LRRFIP2: variants seen among roughly 807,000 people sequenced by gnomAD.
The protein encoded by LRRFIP2 is leucine-rich repeat flightless-interacting protein 2.
Under a neutral mutation model 125.9 loss-of-function variants are expected in LRRFIP2, and 109 were observed. The ratio of observed to expected loss-of-function variants is 0.87; its 90% CI spans 0.74 to 1.01. The LOEUF (loss-of-function observed/expected upper bound fraction) is 1.01. LRRFIP2 is among the 50% of genes least tolerant of loss of function. The probability of loss-of-function intolerance (pLI) is 0.00; values close to 1 mark genes in which losing one functional copy is unlikely to be tolerated. For synonymous variants in LRRFIP2, 291 were observed against 293.1 expected (o/e 0.99, Z 0.07); for missense variants, 850 against 862.3 (o/e 0.99, Z 0.18).
intron 1 of LRRFIP2, among the ~76,000 whole-genome samples, chr3:37,166,702 G>A (rs923222940): frequency 6.7e-6 from 1 of 149,142 alleles, no homozygotes; most frequent in Non-Finnish European, 1.5e-5. Flanking sequence ...AGACCAGCCT[G>A]GGCAACATGT....
upstream of LRRFIP2, chr3:37,175,831 CGGT>C (rs2096654070): frequency 6.6e-6 from 1 of 152,138 alleles, no homozygotes; most frequent in Non-Finnish European, 1.5e-5. Flanking sequence ...TTCCCCAGCG[CGGT>C]GGAAGGGTGA....
chr3:37,078,151 TG>T (rs974142461), intron 19 of LRRFIP2, among the ~76,000 whole-genome samples: 14 of 152,292 alleles, frequency 9.2e-5, no homozygotes, highest in African/African-American at 2.6e-4. Flanking sequence ...AAATTTATCA[TG>T]TTTTTTAATG....
chr3:37,144,552 C>A (rs1329248869), intron 2 of LRRFIP2, among the ~76,000 whole-genome samples: 1 of 152,106 alleles, frequency 6.6e-6, no homozygotes, highest in African/African-American at 2.4e-5. Flanking sequence ...CCAGCTTGGG[C>A]AACCTAGCAA....
intron 14 of LRRFIP2, 22 bp from the exon 15 acceptor site, chr3:37,103,035 AG>A: frequency 6.6e-7 from 1 of 1,525,080 alleles, no homozygotes; most frequent in South Asian, 1.2e-5. Context: ...AAAAAAAACA[AG>A]ATGCTTTCAA....
intron 1 of LRRFIP2, among the ~76,000 whole-genome samples, chr3:37,168,104 T>A (rs889413013): frequency 1.3e-5 from 2 of 152,232 alleles, no homozygotes; most frequent in Non-Finnish European, 2.9e-5. Context: ...GAAAATAGTA[T>A]GGTGGTTTCT....
chr3:37,146,017 T>C (rs1478670837), intron 2 of LRRFIP2, among the ~76,000 whole-genome samples: 4 of 152,162 alleles, frequency 2.6e-5, no homozygotes, highest in African/African-American at 2.4e-5. Context: ...ACTCAGCAAG[T>C]GCTGGATGTT....
At chr3:37,137,559 G>C (rs1383955241) in intron 2 of LRRFIP2, among the ~76,000 whole-genome samples, 3 of 152,090 alleles carry the variant, frequency 2.0e-5, no homozygotes, top group Non-Finnish European at 4.4e-5. Flanking sequence ...CTAGTTCTCT[G>C]AATAGAGAAC....
At chr3:37,103,728 C>T (rs1340883525) in intron 14 of LRRFIP2, among the ~76,000 whole-genome samples, 1 of 152,160 alleles carries the variant, frequency 6.6e-6, no homozygotes, top group African/African-American at 2.4e-5. Context: ...ATAGACCCCT[C>T]CAGGTTCCCT....
In LRRFIP2 at chr3:37,095,346, T is replaced by C. The variant is rs78323245; in HGVS notation, c.919-438A>G. Among the ~76,000 whole-genome samples the C allele has an allele frequency of 5.6e-4, 85 of 152,262 alleles. 2 individuals are homozygous for C. The East Asian group carries it at 0.015, about 27-fold the overall frequency. ...CTTCTTTCTCTAATACTCTGTTGAG[T>C]TGATAAAGGTGAAGATACTATTTGC... On this transcript the variant is annotated intron_variant, in intron 16 of 27. Coordinates refer to ENST00000336686, the MANE Select transcript of LRRFIP2 (RefSeq NM_006309.4).
chr3:37,079,138 A>G (rs9809687), intron 19 of LRRFIP2, among the ~76,000 whole-genome samples: 1 of 152,194 alleles, frequency 6.6e-6, no homozygotes, highest in Non-Finnish European at 1.5e-5. Context: ...TGGACAAAGG[A>G]TCTGAATAGA....
chr3:37,121,875 TG>T (rs1219139119), intron 4 of LRRFIP2, among the ~76,000 whole-genome samples, 184 bp from the exon 5 acceptor site: 3 of 131,644 alleles, frequency 2.3e-5, no homozygotes, highest in Non-Finnish European at 3.5e-5. Flanking sequence ...TGTGTGTGTG[TG>T]TGTGTGTGTG....
chr3:37,063,655 A>AT (rs559610443), intron 24 of LRRFIP2, 87 bp downstream of exon 24: 1 of 977,226 alleles, frequency 1.0e-6, no homozygotes, highest in Non-Finnish European at 1.6e-6. Context: ...AAAGAAGCAT[A>AT]TTTTTTTAAT....
At chr3:37,096,180 T>C (rs1175806370) in intron 16 of LRRFIP2, among the ~76,000 whole-genome samples, 1 of 152,198 alleles carries the variant, frequency 6.6e-6, no homozygotes, top group African/African-American at 2.4e-5. Flanking sequence ...TCCCTGACTT[T>C]CTAATAATAC....
intron 2 of LRRFIP2, 32 bp downstream of exon 2, chr3:37,148,862 C>T: frequency 6.2e-7 from 1 of 1,613,280 alleles, no homozygotes; most frequent in South Asian, 1.1e-5. Context: ...ATCTGTGCAA[C>T]TCAGTGTTGA....
chr3:37,151,640 C>T (rs1560090260), intron 1 of LRRFIP2, among the ~76,000 whole-genome samples: 1 of 148,802 alleles, frequency 6.7e-6, no homozygotes, highest in African/African-American at 2.5e-5. Context: ...CTCTGTCACT[C>T]AGGCTAGAGT....
intron 1 of LRRFIP2, chr3:37,174,075 ACT>A (rs1259441014): frequency 6.6e-6 from 1 of 152,210 alleles, no homozygotes; most frequent in Non-Finnish European, 1.5e-5. Context: ...ATTAGGGAAC[ACT>A]CTGAATATAA....
chr3:37,156,673 C>CAAAA (rs59647339), intron 1 of LRRFIP2, among the ~76,000 whole-genome samples: 1,165 of 30,716 alleles, frequency 0.038, 78 homozygotes, highest in Middle Eastern at 0.056. Context: ...GACTCAGTAT[C>CAAAA]AAAAAAAAAA....
chr3:37,116,588 T>C (rs1416961647), intron 6 of LRRFIP2, among the ~76,000 whole-genome samples: 2 of 152,206 alleles, frequency 1.3e-5, no homozygotes, highest in Non-Finnish European at 1.5e-5. Flanking sequence ...TGAATCTTCA[T>C]GTGTATACTG....
chr3:37,086,696 G>T (rs1490628203), intron 18 of LRRFIP2, among the ~76,000 whole-genome samples: 1 of 152,064 alleles, frequency 6.6e-6, no homozygotes, highest in African/African-American at 2.4e-5. Flanking sequence ...TTAGTGATTG[G>T]GGTTTCTTTT....
Sources: gnomAD v4.1 joint callset for allele counts (sites outside exome capture counted in the v4.1 genomes callset) on GRCh38, gnomAD v4.1.1 for gene constraint, MANE v1.5 for transcripts, NCBI Gene and HGNC (gene_info 2026-07-23, HGNC 2026-07-21) for gene names.